Variants in PDE10A observed in about 807,000 individuals in gnomAD.
PDE10A encodes phosphodiesterase 10A.
In PDE10A, 39 loss-of-function variants were observed where a neutral mutation model predicts 97.7. The ratio of observed to expected loss-of-function variants is 0.40; its 90% CI spans 0.31 to 0.52. The LOEUF (loss-of-function observed/expected upper bound fraction) is 0.52. Ranked by LOEUF, PDE10A falls within the 20% of genes least tolerant of loss-of-function variation. The pLI is 0.56. For synonymous variants in PDE10A, 371 were observed against 376.8 expected (o/e 0.98, Z 0.18); for missense variants, 731 against 1,047.8 (o/e 0.70, Z 4.17).
At chr6:165,369,083 C>T (rs1458460227) in intron 18 of PDE10A, among the ~76,000 whole-genome samples, 1 of 151,966 alleles carries the variant, frequency 6.6e-6, no homozygotes, top group African/African-American at 2.4e-5. Flanking sequence ...ATCTGTACAT[C>T]ACCATCATCA....
At chr6:165,918,231 A>C (rs1226363177) in intron 1 of PDE10A, among the ~76,000 whole-genome samples, 1 of 152,230 alleles carries the variant, frequency 6.6e-6, no homozygotes, top group Non-Finnish European at 1.5e-5. Context: ...GGTTCACAGC[A>C]AAATTGAGTG....
chr6:165,352,424 C>T (rs1782749629), intron 18 of PDE10A, among the ~76,000 whole-genome samples: 1 of 151,980 alleles, frequency 6.6e-6, no homozygotes, highest in African/African-American at 2.4e-5. Context: ...CCATCAACTA[C>T]CCAAGATAGT....
Position 165,711,884 on chromosome 6 carries a change from A to G in PDE10A, c.-614-168316T>C, listed in dbSNP as rs1359610230. ...AGTGTGTTGGTTGGTTTTATTCTGC[A>G]TCCTAGGGGTGATTGGTGACTGGGG... On this transcript the variant is annotated intron_variant, in intron 1 of 19. Coordinates refer to the PDE10A transcript ENST00000366882. The surrounding 1 kb of genome is among the most constrained non-coding windows in gnomAD (Gnocchi z 4.5). 6.6e-6 allele frequency among the ~76,000 whole-genome samples: 1 copy of G among 152,180 alleles called. No individual in the cohort carries two copies. Among genetic ancestry groups the G allele is most frequent in the African/African-American group, 2.4e-5 (1 of 41,446 alleles).
intron 1 of PDE10A, among the ~76,000 whole-genome samples, chr6:165,546,641 AGTT>A (rs1464581453): frequency 3.3e-5 from 5 of 152,100 alleles, no homozygotes; most frequent in Non-Finnish European, 5.9e-5. Flanking sequence ...TAGTTGATAA[AGTT>A]GTTGTCCCAA....
intron 1 of PDE10A, among the ~76,000 whole-genome samples, chr6:165,574,290 T>C (rs1785197815): frequency 6.6e-6 from 1 of 151,832 alleles, no homozygotes; most frequent in Admixed American, 6.6e-5. Context: ...TTAGAAAATG[T>C]ACGTGTGCCT....
chr6:165,408,949 AG>A (rs1250969041), intron 13 of PDE10A, among the ~76,000 whole-genome samples: 3 of 138,912 alleles, frequency 2.2e-5, no homozygotes, highest in African/African-American at 8.0e-5. Context: ...GCGGATCACG[AG>A]GTCAGGAGAT....
Position 165,605,861 on chromosome 6 carries a change from C to T in PDE10A, c.865+56086G>A, listed in dbSNP as rs372405031. 1.2e-4 allele frequency among the ~76,000 whole-genome samples: 18 copies of T among 152,268 alleles called. No homozygotes were observed. In the South Asian group the frequency reaches 3.5e-3, roughly 30 times the overall value. Reference sequence around the variant, plus strand: ...GTCCAAGACCACATAATGAAAGAGACAGGTTTTGATTCTAAATCTTTCTAG... The same window carrying T: ...GTCCAAGACCACATAATGAAAGAGATAGGTTTTGATTCTAAATCTTTCTAG... On this transcript the variant is annotated intron_variant, in intron 1 of 21. Transcript: ENST00000539869.
intron 1 of PDE10A, among the ~76,000 whole-genome samples, chr6:165,617,523 T>C (rs941755869): frequency 1.2e-4 from 18 of 152,074 alleles, no homozygotes; most frequent in Admixed American, 6.6e-5. Flanking sequence ...GATCGGCCAT[T>C]AATATTAAAT....
chr6:165,550,080 G>C (rs1783938066), intron 1 of PDE10A, among the ~76,000 whole-genome samples: 1 of 152,014 alleles, frequency 6.6e-6, no homozygotes. Context: ...CGACACCTGA[G>C]TTCTGACTCC....
chr6:165,645,226 T>G (rs542504973), intron 1 of PDE10A, among the ~76,000 whole-genome samples: 1 of 152,174 alleles, frequency 6.6e-6, no homozygotes, highest in East Asian at 1.9e-4. Context: ...ACAGCGAGGG[T>G]GCGGCTGCCT....
chr6:165,957,551 T>A (rs1255202211), intron 1 of PDE10A, among the ~76,000 whole-genome samples: 1 of 152,198 alleles, frequency 6.6e-6, no homozygotes, highest in Non-Finnish European at 1.5e-5. Context: ...ACTAACGTTT[T>A]CTGACCTCTC....
At chr6:165,926,576 C>T (rs920146989) in intron 1 of PDE10A, among the ~76,000 whole-genome samples, 7 of 152,214 alleles carry the variant, frequency 4.6e-5, no homozygotes, top group Non-Finnish European at 1.0e-4. Flanking sequence ...TTCACACTCT[C>T]CCTGTGTGTC....
At chr6:165,804,948 A>T (rs1779086365) in intron 1 of PDE10A, among the ~76,000 whole-genome samples, 1 of 138,612 alleles carries the variant, frequency 7.2e-6, no homozygotes, top group Non-Finnish European at 1.6e-5. Flanking sequence ...CGTGGGGAGC[A>T]TGGAGAGACG....
intron 18 of PDE10A, among the ~76,000 whole-genome samples, chr6:165,346,763 T>C (rs1281553358): frequency 1.3e-5 from 2 of 152,200 alleles, no homozygotes; most frequent in Non-Finnish European, 2.9e-5. Context: ...GCCAAGGATA[T>C]ACTATTTTGT....
intron 3 of PDE10A, among the ~76,000 whole-genome samples, chr6:165,453,593 A>T (rs1777766050): frequency 6.6e-6 from 1 of 152,220 alleles, no homozygotes; most frequent in Non-Finnish European, 1.5e-5. Flanking sequence ...TGTGAGCCCC[A>T]GCCACGGTTC....
At position 165,671,084 on chromosome 6, in the gene PDE10A, G is replaced by C. The variant is rs2128436326; in HGVS notation, c.-614-127516C>G. 6.6e-6 allele frequency among the ~76,000 whole-genome samples: 1 copy of C among 151,976 alleles called. No individual in the cohort carries two copies. Among genetic ancestry groups the C allele is most frequent in the South Asian group, 2.1e-4 (1 of 4,800 alleles). On this transcript the variant is annotated intron_variant, in intron 1 of 19. Coordinates refer to the PDE10A transcript ENST00000366882. The surrounding 1 kb of genome is among the most constrained non-coding windows in gnomAD (Gnocchi z 4.6). ...TACTGGTAAAGAGTCTGATTTCCTA[G>C]GTTTTCAACATATCAATGTTAGAAT...
At position 165,662,323 on chromosome 6, in the gene PDE10A, T is replaced by C; in HGVS notation, c.489A>G (p.Gly163=). Residue 163 remains glycine (G), a synonymous_variant, in exon 1 of 22, where the codon GGA becomes GGG. Transcript: ENST00000539869. ...GAGCTGCCTCTTGTCCTCCTCCTCC[T>C]CCTCCGCCAGCATCGCCGCCTCCTC... ...AAGGGGDAGG[G]GGGGQEAAPL... The C allele has an allele frequency of 6.4e-6, 1 of 156,188 alleles. No individual in the cohort carries two copies. The highest frequency in any genetic ancestry group is 1.3e-5 in the Non-Finnish European group (1 of 75,344). 9.7% of individuals were successfully genotyped at this position (156,188 alleles called of 1,614,324 possible).
intron 18 of PDE10A, among the ~76,000 whole-genome samples, chr6:165,365,655 G>A (rs959445364): frequency 1.3e-5 from 2 of 152,204 alleles, no homozygotes; most frequent in Admixed American, 6.5e-5. Flanking sequence ...GGGAGGTCAA[G>A]GCTGCAGTGA....
intron 18 of PDE10A, among the ~76,000 whole-genome samples, chr6:165,370,704 GA>G (rs1784175810): frequency 6.8e-6 from 1 of 146,950 alleles, no homozygotes; most frequent in Non-Finnish European, 1.5e-5. Context: ...CCCAGGAATT[GA>G]ACTCAGCTCT....
Sources: allele counts gnomAD v4.1 joint callset (sites outside exome capture counted in the v4.1 genomes callset), GRCh38; gene constraint gnomAD v4.1.1; non-coding constraint Gnocchi (gnomAD v3.1); transcripts MANE v1.5; gene names NCBI Gene and HGNC (gene_info 2026-07-23, HGNC 2026-07-21).